Variants in TANC2 observed in about 807,000 individuals in gnomAD.
TANC2 encodes tetratricopeptide repeat, ankyrin repeat and coiled-coil containing 2, also known as protein TANC2.
A neutral mutation model predicts 210.5 loss-of-function variants in TANC2; 26 were observed. The observed-to-expected ratio is 0.12, with a 90% CI of 0.09 to 0.17. The LOEUF is 0.17. Among genes scored for constraint, TANC2 ranks in the 10% least tolerant of loss-of-function variants. The probability of loss-of-function intolerance (pLI) is 1.00; values close to 1 mark genes in which losing one functional copy is unlikely to be tolerated. For missense variants in TANC2, 2,129 were observed against 2,608.9 expected, an observed-to-expected ratio of 0.82 and a Z score of 4.01; for synonymous variants, 931 against 967.1, an observed-to-expected ratio of 0.96 and a Z score of 0.69.
intron 9 of TANC2, among the ~76,000 whole-genome samples, chr17:63,292,028 C>T (rs189237661): frequency 8.5e-5 from 13 of 152,142 alleles, no homozygotes; most frequent in African/African-American, 2.7e-4. Context: ...TGGAAAAGAA[C>T]GAATAGATTA....
intron 5 of TANC2, chr17:63,155,260 A>G (rs547914100): frequency 2.6e-5 from 4 of 152,250 alleles, no homozygotes; most frequent in Admixed American, 1.3e-4. Context: ...GGATTGTTAC[A>G]GAGATTAAGT....
chr17:63,052,060 C>T (rs1007408039), intron 2 of TANC2, among the ~76,000 whole-genome samples: 4 of 152,140 alleles, frequency 2.6e-5, no homozygotes, highest in Non-Finnish European at 5.9e-5. Context: ...GAGAGAAGTT[C>T]TTTCTGGTAG....
intron 8 of TANC2, 60 bp downstream of exon 8, chr17:63,238,137 TATATTGAA>T (rs2042674837): frequency 6.9e-7 from 1 of 1,447,026 alleles, no homozygotes; most frequent in Non-Finnish European, 9.1e-7. Context: ...TACTCCAGTA[TATATTGAA>T]ATGAAAATAA....
chr17:63,170,701 A>G (rs906859381), intron 5 of TANC2, among the ~76,000 whole-genome samples: 15 of 152,200 alleles, frequency 9.9e-5, no homozygotes, highest in Non-Finnish European at 1.8e-4. Context: ...TCCCCATTAA[A>G]TTCTGGGGAA....
intron 9 of TANC2, among the ~76,000 whole-genome samples, chr17:63,277,983 G>A (rs891852244): frequency 1.3e-5 from 2 of 152,034 alleles, no homozygotes; most frequent in African/African-American, 2.4e-5. Flanking sequence ...ACCAGCCTGG[G>A]CAACATAGTG....
intron 9 of TANC2, among the ~76,000 whole-genome samples, chr17:63,307,521 A>G (rs2044961222): frequency 6.6e-6 from 1 of 152,226 alleles, no homozygotes; most frequent in Non-Finnish European, 1.5e-5. Flanking sequence ...AGTGGCCTAC[A>G]TAAAATAAAG....
chr17:63,129,443 T>A (rs187140713), intron 4 of TANC2, among the ~76,000 whole-genome samples: 1 of 152,310 alleles, frequency 6.6e-6, no homozygotes, highest in East Asian at 1.9e-4. Context: ...AGCTACCTCA[T>A]AAGAATGTTA....
intron 2 of TANC2, among the ~76,000 whole-genome samples, chr17:63,047,149 C>T (rs1320010212): frequency 6.6e-6 from 1 of 152,100 alleles, no homozygotes; most frequent in Admixed American, 6.6e-5. Context: ...CTTAGGTATA[C>T]AGTAGTTGTT....
intron 15 of TANC2, among the ~76,000 whole-genome samples, chr17:63,386,635 T>C (rs1402074850): frequency 1.3e-5 from 2 of 152,214 alleles, no homozygotes; most frequent in Non-Finnish European, 2.9e-5. Context: ...TTACGTTGTT[T>C]ATATGCACTT....
chr17:63,041,316 A>G (rs2035177922), intron 2 of TANC2, among the ~76,000 whole-genome samples: 2 of 152,162 alleles, frequency 1.3e-5, no homozygotes, highest in African/African-American at 4.8e-5. Context: ...GAAATATACT[A>G]TATTATTGAA....
intron 9 of TANC2, among the ~76,000 whole-genome samples, chr17:63,296,911 C>G (rs1019871040): frequency 1.3e-5 from 2 of 151,992 alleles, no homozygotes; most frequent in Non-Finnish European, 2.9e-5. Flanking sequence ...AATGAACAAG[C>G]CTACAAGATC....
At chr17:63,265,241 G>T (rs1476875322) in intron 8 of TANC2, among the ~76,000 whole-genome samples, 4 of 152,128 alleles carry the variant, frequency 2.6e-5, no homozygotes, top group African/African-American at 9.7e-5. Flanking sequence ...TCATATTTCA[G>T]ATTTTTGGAT....
chr17:63,263,571 G>T (rs573697172), intron 8 of TANC2, among the ~76,000 whole-genome samples: 1 of 152,068 alleles, frequency 6.6e-6, no homozygotes, highest in East Asian at 1.9e-4. Context: ...ATTTTTTGTT[G>T]TATTTATTCT....
At position 63,415,524 on chromosome 17, in the gene TANC2, T is replaced by C; in HGVS notation, c.4021-4T>C. On this transcript the variant is annotated splice_region_variant and splice_polypyrimidine_tract_variant and intron_variant, in intron 25 of 27. Coordinates refer to ENST00000689528, the Ensembl canonical transcript of TANC2. Reference sequence around the variant, plus strand: ...TGTGTTTCGCCATCTTGTGCTCCCATTAGAAAGGTAAAGTAAAGGAAGCTG... The same window carrying C: ...TGTGTTTCGCCATCTTGTGCTCCCACTAGAAAGGTAAAGTAAAGGAAGCTG... The C allele has an allele frequency of 6.2e-7, 1 of 1,613,258 alleles. No homozygotes were observed. Among genetic ancestry groups the C allele is most frequent in the Middle Eastern group, 1.7e-4 (1 of 6,052 alleles).
intron 9 of TANC2, among the ~76,000 whole-genome samples, chr17:63,269,079 A>G (rs2146278024): frequency 6.6e-6 from 1 of 152,316 alleles, no homozygotes. Flanking sequence ...GAAGGAATTT[A>G]TACATGTCTG....
At chr17:63,333,289 G>T (rs936566248) in intron 11 of TANC2, among the ~76,000 whole-genome samples, 1 of 152,104 alleles carries the variant, frequency 6.6e-6, no homozygotes, top group Non-Finnish European at 1.5e-5. Flanking sequence ...ATTCATAGGA[G>T]GTCAATATTA....
intron 11 of TANC2, among the ~76,000 whole-genome samples, chr17:63,332,978 G>A (rs1455714936): frequency 1.3e-5 from 2 of 152,152 alleles, no homozygotes; most frequent in Non-Finnish European, 2.9e-5. Context: ...CAGAAAAAAA[G>A]ATAACTTTCA....
At chr17:63,246,137 G>C (rs923206177) in intron 8 of TANC2, among the ~76,000 whole-genome samples, 1 of 151,828 alleles carries the variant, frequency 6.6e-6, no homozygotes, top group African/African-American at 2.4e-5. Flanking sequence ...ATCTATTTTA[G>C]TGTTGCTTAA....
intron 5 of TANC2, among the ~76,000 whole-genome samples, chr17:63,163,990 AATAGT>A (rs1261749151): frequency 6.6e-6 from 1 of 152,194 alleles, no homozygotes; most frequent in African/African-American, 2.4e-5. Context: ...AAATTTTTTA[AATAGT>A]AGTAGTAGGG....
Sources: gnomAD v4.1 joint callset for allele counts (sites outside exome capture counted in the v4.1 genomes callset) on GRCh38, gnomAD v4.1.1 for gene constraint, MANE v1.5 for transcripts, NCBI Gene and HGNC (gene_info 2026-07-23, HGNC 2026-07-21) for gene names.